Variants in FAM110B observed in about 807,000 individuals in gnomAD.
The protein encoded by FAM110B is family with sequence similarity 110 member B, also known as protein FAM110B.
FAM110B carries 6 observed loss-of-function variants against 20.4 expected under a neutral mutation model. That is an observed-to-expected ratio of 0.29 (90% CI 0.16 to 0.58). The LOEUF is 0.58. Ranked by LOEUF, FAM110B falls within the 20% of genes least tolerant of loss-of-function variation. FAM110B has a pLI of 0.90. For synonymous variants in FAM110B, 226 were observed against 214.1 expected (o/e 1.06, Z -0.49); for missense variants, 434 against 498.2 (o/e 0.87, Z 1.23).
chr8:58,022,063 C>T (rs1199354396), intron 1 of FAM110B, among the ~76,000 whole-genome samples: 2 of 152,156 alleles, frequency 1.3e-5, no homozygotes, highest in Non-Finnish European at 2.9e-5. Flanking sequence ...TGGTGCTAGT[C>T]TCTCTGAATC....
intron 2 of FAM110B, among the ~76,000 whole-genome samples, chr8:58,066,485 C>T (rs1398140210): frequency 6.6e-6 from 1 of 152,172 alleles, no homozygotes; most frequent in Non-Finnish European, 1.5e-5. Context: ...CAGCCAGTTT[C>T]AGTCTGTTCC....
intron 2 of FAM110B, among the ~76,000 whole-genome samples, chr8:58,044,354 G>A (rs1805280919): frequency 6.6e-6 from 1 of 152,126 alleles, no homozygotes; most frequent in African/African-American, 2.4e-5. Flanking sequence ...TAACTTTCAG[G>A]AACATACAGA....
chr8:57,999,019 G>A (rs764706172), intron 1 of FAM110B, among the ~76,000 whole-genome samples: 82 of 152,148 alleles, frequency 5.4e-4, no homozygotes, highest in Non-Finnish European at 1.0e-3. Flanking sequence ...TAAGAAACTG[G>A]CATTCAAAGA....
intron 1 of FAM110B, among the ~76,000 whole-genome samples, chr8:57,999,320 T>C (rs1379529493): frequency 2.6e-5 from 4 of 152,214 alleles, no homozygotes; most frequent in African/African-American, 4.8e-5. Context: ...GCAAGATCAA[T>C]GGGTTTTGAA....
At chr8:58,001,236 T>C (rs571636578) in intron 1 of FAM110B, among the ~76,000 whole-genome samples, 1 of 152,294 alleles carries the variant, frequency 6.6e-6, no homozygotes, top group South Asian at 2.1e-4. Flanking sequence ...AATATATATT[T>C]TGTGGGTAGT....
chr8:57,995,693 A>G (rs979551735), intron 1 of FAM110B, among the ~76,000 whole-genome samples: 2 of 152,222 alleles, frequency 1.3e-5, no homozygotes, highest in African/African-American at 4.8e-5. Context: ...TGGAAAGTGG[A>G]AAGAAAACAC....
intron 3 of FAM110B, among the ~76,000 whole-genome samples, chr8:58,134,134 T>C (rs543149336): frequency 6.6e-6 from 1 of 152,378 alleles, no homozygotes; most frequent in South Asian, 2.1e-4. Context: ...AATAAACTGT[T>C]CTTTTCAGAA....
chr8:58,040,427 T>G (rs949940362), intron 2 of FAM110B, among the ~76,000 whole-genome samples: 1 of 152,174 alleles, frequency 6.6e-6, no homozygotes, highest in Non-Finnish European at 1.5e-5. Context: ...AGGCGTTGGC[T>G]TGTGGCTCCT....
intron 1 of FAM110B, among the ~76,000 whole-genome samples, chr8:58,007,088 G>A (rs1480671403): frequency 1.3e-5 from 2 of 151,552 alleles, no homozygotes; most frequent in East Asian, 1.9e-4. Flanking sequence ...GTCTTCCCTC[G>A]CCCTGAAGTA....
At chr8:58,038,265 C>T (rs1372313045) in intron 2 of FAM110B, among the ~76,000 whole-genome samples, 4 of 152,218 alleles carry the variant, frequency 2.6e-5, no homozygotes, top group East Asian at 1.9e-4. Flanking sequence ...CATCAACCCT[C>T]GGACCATTAA....
intron 3 of FAM110B, among the ~76,000 whole-genome samples, chr8:58,130,636 C>T (rs1251207840): frequency 6.6e-6 from 1 of 152,204 alleles, no homozygotes; most frequent in African/African-American, 2.4e-5. Flanking sequence ...CATGTCAATA[C>T]CTCCAGTGCT....
chr8:58,009,004 G>T (rs1804472297), intron 1 of FAM110B, among the ~76,000 whole-genome samples: 1 of 152,054 alleles, frequency 6.6e-6, no homozygotes, highest in African/African-American at 2.4e-5. Flanking sequence ...CTTCCTCTCT[G>T]CTCTCTCTGC....
At chr8:58,137,484 T>C (rs1803646693) in intron 3 of FAM110B, among the ~76,000 whole-genome samples, 1 of 151,868 alleles carries the variant, frequency 6.6e-6, no homozygotes. Flanking sequence ...TCATTTGAAA[T>C]AGGAGGCGGA....
chr8:58,059,137 T>C (rs1044963660), intron 2 of FAM110B, among the ~76,000 whole-genome samples: 14 of 152,214 alleles, frequency 9.2e-5, no homozygotes, highest in Non-Finnish European at 1.8e-4. Flanking sequence ...CTTTTATTGG[T>C]GAATAATATC....
chr8:58,065,015 A>T (rs1805733535), intron 2 of FAM110B, among the ~76,000 whole-genome samples: 1 of 152,252 alleles, frequency 6.6e-6, no homozygotes, highest in Non-Finnish European at 1.5e-5. Context: ...TGAATTTCAT[A>T]GCAAATGATG....
At chr8:58,096,126 A>T (rs752705462) in intron 3 of FAM110B, among the ~76,000 whole-genome samples, 1 of 152,040 alleles carries the variant, frequency 6.6e-6, no homozygotes, top group Non-Finnish European at 1.5e-5. Context: ...TTTTGAGCCT[A>T]TGTGTGTCCT....
intron 3 of FAM110B, among the ~76,000 whole-genome samples, chr8:58,078,308 G>A (rs1475884427): frequency 1.3e-5 from 2 of 152,082 alleles, no homozygotes; most frequent in African/African-American, 2.4e-5. Context: ...CAAACCTTTT[G>A]GAGTTTGTTC....
chr8:58,076,247 A>G (rs1806033698), intron 3 of FAM110B, among the ~76,000 whole-genome samples: 1 of 152,188 alleles, frequency 6.6e-6, no homozygotes. Context: ...GGCATGAGCC[A>G]CCTGGCCTGG....
chr8:58,082,846 TG>T (rs1278457509), intron 3 of FAM110B, among the ~76,000 whole-genome samples: 1 of 139,750 alleles, frequency 7.2e-6, no homozygotes, highest in East Asian at 1.9e-4. Context: ...TGTTTTTTTT[TG>T]TTTTTTTTTT....
Sources: gnomAD v4.1 joint callset for allele counts (sites outside exome capture counted in the v4.1 genomes callset) on GRCh38, gnomAD v4.1.1 for gene constraint, MANE v1.5 for transcripts, NCBI Gene and HGNC (gene_info 2026-07-23, HGNC 2026-07-21) for gene names.